The following EFTUD2 variants were observed in gnomAD, a reference collection of about 807,000 sequenced individuals.
The protein encoded by EFTUD2 is 116 kDa U5 small nuclear ribonucleoprotein component.
Under a neutral mutation model 114.3 loss-of-function variants are expected in EFTUD2, and 9 were observed. The ratio of observed to expected loss-of-function variants is 0.08; its 90% CI spans 0.05 to 0.14. The LOEUF is 0.14. EFTUD2 is among the 10% of genes least tolerant of loss of function. The pLI is 1.00. For missense variants in EFTUD2, 765 were observed against 1,241.2 expected (o/e 0.62, Z 5.76); for synonymous variants, 449 against 462.3 (o/e 0.97, Z 0.37).
intron 2 of EFTUD2, among the ~76,000 whole-genome samples, chr17:44,890,889 G>A (rs1049284701): frequency 1.3e-5 from 2 of 152,154 alleles, no homozygotes; most frequent in African/African-American, 4.8e-5. Flanking sequence ...CAGCAACTCT[G>A]CTCTTGGGAA....
chr17:44,859,547 A>T (rs1404619205), intron 18 of EFTUD2: 1 of 497,330 alleles, frequency 2.0e-6, no homozygotes, highest in Non-Finnish European at 3.7e-6. Context: ...GTAACAACTC[A>T]CTTTTCCTTC....
chr17:44,868,015 C>T, intron 12 of EFTUD2, 118 bp from the exon 13 acceptor site: 1 of 1,053,858 alleles, frequency 9.5e-7, no homozygotes, highest in Non-Finnish European at 1.4e-6. Context: ...GTGTGTGTGA[C>T]TGTAAAGTTT....
chr17:44,884,786 C>T (rs114335664), intron 4 of EFTUD2, among the ~76,000 whole-genome samples: 1,853 of 152,132 alleles, frequency 0.012, 39 homozygotes, highest in African/African-American at 0.042. Flanking sequence ...GCTCAGGAGG[C>T]TGAGGCAGAC....
Position 44,875,820 on chromosome 17 carries a change from C to G in EFTUD2, c.869+114G>C, listed in dbSNP as rs897736247. 3 of 1,365,438 alleles carry G rather than the reference C, an allele frequency of 2.2e-6. No homozygotes were observed. The African/African-American group carries it at 4.4e-5, about 20-fold the overall frequency. The allele number at this position is 1,365,438 out of a possible 1,614,324, so 84.6% of individuals were successfully genotyped here. On this transcript the variant is annotated intron_variant, in intron 10 of 27. Coordinates refer to ENST00000426333, the MANE Select transcript of EFTUD2 (RefSeq NM_004247.4). ...TCCCAGGATGTGCCTCTAGTTTTGC[C>G]CAACAAACTCATCAACACACGCTTA...
intron 2 of EFTUD2, among the ~76,000 whole-genome samples, chr17:44,890,071 G>T (rs998911782): frequency 1.3e-5 from 2 of 152,114 alleles, no homozygotes; most frequent in South Asian, 4.2e-4. Flanking sequence ...GCAGTGGCGC[G>T]ATCTCAGCTC....
chr17:44,876,104 A>G lies in EFTUD2; in HGVS notation c.703-4T>C. The G allele has an allele frequency of 6.2e-7, 1 of 1,608,972 alleles. No homozygotes were observed. Among genetic ancestry groups the G allele is most frequent in the Non-Finnish European group, 8.5e-7 (1 of 1,176,400 alleles). On this transcript the variant is annotated splice_polypyrimidine_tract_variant and splice_region_variant and intron_variant, in intron 9 of 27. Transcript: ENST00000426333. ...GCCGCTCTGTGTTCAGCATCACCTGAGAAAAACAAGGCTCAGAAGGTGGTA... is the reference window on the plus strand; with the variant it reads ...GCCGCTCTGTGTTCAGCATCACCTGGGAAAAACAAGGCTCAGAAGGTGGTA...
In EFTUD2 at chr17:44,897,714, G is replaced by A. The variant is rs535488043; in HGVS notation, c.-5+1655C>T. On this transcript the variant is annotated intron_variant, in intron 1 of 27. Transcript: ENST00000426333. ...CAAGTAGCTGGGATTACAGGCACCC[G>A]CCATCACACTTGGCTAATTTTTGTA... 6.2e-4 allele frequency among the ~76,000 whole-genome samples: 95 copies of A among 152,052 alleles called. 3 individuals are homozygous for A. In the South Asian group the frequency reaches 0.018, roughly 30 times the overall value.
chr17:44,853,550 T>G lies in EFTUD2; in HGVS notation c.2433A>C (p.Thr811=). The change falls in exon 24 of 28, where the codon ACA becomes ACC. Residue 811 remains threonine (T), a synonymous_variant. Coordinates refer to ENST00000426333, the MANE Select transcript of EFTUD2 (RefSeq NM_004247.4). ...LHRGGGQIIP[T]ARRVVYSAFL... is the part of the protein sequence containing the mutation. The stretch of plus-strand genomic sequence containing the variant: ...AGGCAGAGTAGACGACTCTCCTGGC[T>G]GTGGGGATGATCTGGCCCCCGCCCC... 1 of 1,614,170 alleles carries G rather than the reference T, an allele frequency of 6.2e-7. No homozygotes were observed. The highest frequency in any genetic ancestry group is 2.2e-5 in the East Asian group (1 of 44,882).
At chr17:44,891,538 TGGGGTCTCAC>T (rs2051279068) in intron 2 of EFTUD2, among the ~76,000 whole-genome samples, 1 of 152,160 alleles carries the variant, frequency 6.6e-6, no homozygotes, top group Non-Finnish European at 1.5e-5. Flanking sequence ...TTTGTAGAAA[TGGGGTCTCAC>T]TACATTGCCC....
At chr17:44,855,030 AG>A in intron 20 of EFTUD2, 26 bp from the exon 21 acceptor site, 2 of 1,596,800 alleles carry the variant, frequency 1.3e-6, no homozygotes, top group East Asian at 2.2e-5. Flanking sequence ...ATGGGTGGTA[AG>A]GACGGCTAAC....
chr17:44,852,693 G>A, intron 25 of EFTUD2, 131 bp from the exon 26 acceptor site: 1 of 1,187,030 alleles, frequency 8.4e-7, no homozygotes, highest in Non-Finnish European at 1.2e-6. Context: ...AACCAAGAAT[G>A]TTCTACAAAA....
intron 26 of EFTUD2, 131 bp downstream of exon 26, chr17:44,852,277 TG>T: frequency 8.9e-7 from 1 of 1,129,250 alleles, no homozygotes; most frequent in Non-Finnish European, 1.2e-6. Flanking sequence ...CCTGAATATA[TG>T]CTCCCCAGAG....
chr17:44,895,043 G>A (rs1567757606), intron 1 of EFTUD2, among the ~76,000 whole-genome samples: 1 of 152,280 alleles, frequency 6.6e-6, no homozygotes, highest in Non-Finnish European at 1.5e-5. Context: ...ACTCTGGCCT[G>A]TGGCCAAATC....
At chr17:44,886,783 G>T in intron 2 of EFTUD2, 33 bp from the exon 3 acceptor site, 3 of 1,592,800 alleles carry the variant, frequency 1.9e-6, no homozygotes, top group Non-Finnish European at 2.6e-6. Context: ...GAATCGAAGA[G>T]GCACACGCTT....
rs1433286383 is a variant in EFTUD2, at chr17:44,854,199, C to T, written c.2347+70G>A. On this transcript the variant is annotated intron_variant, in intron 23 of 27. Transcript: ENST00000426333. The surrounding 1 kb of genome is among the most constrained non-coding windows in gnomAD (Gnocchi z 4.3). Reference sequence around the variant, plus strand: ...CCTGCCGAATCCTAAAGATGGTGAGCCCATCCCACTCATATGCCTGGCTGC... The same window carrying T: ...CCTGCCGAATCCTAAAGATGGTGAGTCCATCCCACTCATATGCCTGGCTGC... 5.3e-6 allele frequency: 8 copies of T among 1,502,152 alleles called. No homozygotes were observed. In the African/African-American group the frequency reaches 5.6e-5, roughly 10 times the overall value. The allele number at this position is 1,502,152 out of a possible 1,614,324, so 93.1% of individuals were successfully genotyped here.
intron 11 of EFTUD2, among the ~76,000 whole-genome samples, chr17:44,868,715 T>A (rs902684621): frequency 1.6e-4 from 25 of 152,286 alleles, no homozygotes; most frequent in Admixed American, 6.5e-4. Flanking sequence ...GGAAGGGGAA[T>A]TTAATGGTTC....
intron 14 of EFTUD2, 106 bp from the exon 15 acceptor site, chr17:44,863,888 G>T: frequency 7.0e-7 from 1 of 1,438,618 alleles, no homozygotes; most frequent in Non-Finnish European, 9.4e-7. Flanking sequence ...TGCGGGGACT[G>T]ATTGTTAGCT....
At chr17:44,855,100 G>T in intron 20 of EFTUD2, 96 bp from the exon 21 acceptor site, 1 of 1,159,758 alleles carries the variant, frequency 8.6e-7, no homozygotes, top group South Asian at 1.2e-5. Context: ...CTGAGGAAGT[G>T]ACATCAGTGA....
Position 44,854,344 on chromosome 17 carries a change from G to C in EFTUD2, c.2272C>G (p.Leu758Val), listed in dbSNP as rs1417202861. Residue 758 changes from leucine to valine, a missense_variant, in exon 23 of 28, where the codon CTT becomes GTT. Physicochemically the swap from Leu to Val is conservative, Grantham distance 32. This residue lies in a region of EFTUD2 where 166 missense variants were observed against 401.5 expected (regional missense o/e 0.41). Coordinates refer to ENST00000426333, the MANE Select transcript of EFTUD2 (RefSeq NM_004247.4). This position sits in a 1 kb window ranked among gnomAD's most constrained non-coding sequence, Gnocchi z 4.3. ...DTLPSEVDKA[L>V]LGSVKDSIVQ... ...ATGCTGTCCTTCACTGAACCAAGAA[G>C]AGCCTTGTCCACCTATAGAGAAACA... 2 of 1,613,902 alleles carry C rather than the reference G, an allele frequency of 1.2e-6. No individual in the cohort carries two copies. The highest frequency in any genetic ancestry group is 1.7e-6 in the Non-Finnish European group (2 of 1,179,918).
Sources: allele counts gnomAD v4.1 joint callset (sites outside exome capture counted in the v4.1 genomes callset), GRCh38; gene constraint gnomAD v4.1.1; regional missense constraint gnomAD v4.1.1; non-coding constraint Gnocchi (gnomAD v3.1); transcripts MANE v1.5; gene names NCBI Gene and HGNC (gene_info 2026-07-23, HGNC 2026-07-21).